DLEU7: variants seen among roughly 807,000 people sequenced by gnomAD.
The protein encoded by DLEU7 is leukemia-associated protein 7.
In DLEU7, 17 loss-of-function variants were observed where a neutral mutation model predicts 16.0. That is an observed-to-expected ratio of 1.06 (90% CI 0.73 to 1.59). The LOEUF (loss-of-function observed/expected upper bound fraction) is 1.59. Ranked by LOEUF, DLEU7 falls within the 40% of genes most tolerant of loss-of-function variation. The probability of loss-of-function intolerance (pLI) is 0.00; values close to 1 mark genes in which losing one functional copy is unlikely to be tolerated. For missense variants in DLEU7, 308 were observed against 314.9 expected (o/e 0.98, Z 0.17); for synonymous variants, 113 against 139.8 (o/e 0.81, Z 1.35).
intron 1 of DLEU7, among the ~76,000 whole-genome samples, chr13:50,790,797 A>G (rs1269363158): frequency 2.0e-5 from 3 of 152,166 alleles, no homozygotes; most frequent in African/African-American, 7.2e-5. Context: ...TTAGCCACGG[A>G]TGCTCTCTCG....
chr13:50,805,233 A>C (rs1876356476), intron 1 of DLEU7, among the ~76,000 whole-genome samples: 1 of 152,104 alleles, frequency 6.6e-6, no homozygotes, highest in Admixed American at 6.5e-5. Context: ...ATTTATTGAC[A>C]GTTTTGTTTT....
At chr13:50,736,744 A>G (rs1308566085) in intron 1 of DLEU7, among the ~76,000 whole-genome samples, 1 of 152,132 alleles carries the variant, frequency 6.6e-6, no homozygotes, top group Non-Finnish European at 1.5e-5. Flanking sequence ...GAAAATACTC[A>G]GAAAAATTGA....
chr13:50,839,321 C>G (rs1877573066), intron 1 of DLEU7, among the ~76,000 whole-genome samples: 1 of 152,202 alleles, frequency 6.6e-6, no homozygotes, highest in African/African-American at 2.4e-5. Flanking sequence ...GTCTCTGCAG[C>G]AAATTTAATA....
intron 1 of DLEU7, among the ~76,000 whole-genome samples, chr13:50,768,368 G>A (rs1875184799): frequency 6.6e-6 from 1 of 151,342 alleles, no homozygotes; most frequent in Non-Finnish European, 1.5e-5. Context: ...CATGTGCCAT[G>A]TTGGTGTGCT....
chr13:50,738,041 A>G (rs1167603856), intron 1 of DLEU7, among the ~76,000 whole-genome samples: 1 of 152,130 alleles, frequency 6.6e-6, no homozygotes, highest in African/African-American at 2.4e-5. Flanking sequence ...GGAAGTTTGA[A>G]TGGTCTGGAT....
chr13:50,732,478 C>T (rs1873938497), intron 1 of DLEU7, among the ~76,000 whole-genome samples: 1 of 151,982 alleles, frequency 6.6e-6, no homozygotes, highest in Admixed American at 6.6e-5. Flanking sequence ...GGCATGGTGG[C>T]AGGCACCTGT....
At chr13:50,809,294 C>G (rs1876491668) in intron 1 of DLEU7, among the ~76,000 whole-genome samples, 1 of 152,102 alleles carries the variant, frequency 6.6e-6, no homozygotes, top group African/African-American at 2.4e-5. Flanking sequence ...GAAAATATAG[C>G]CACTTTGGGA....
intron 1 of DLEU7, among the ~76,000 whole-genome samples, chr13:50,722,852 C>G (rs1011119045): frequency 9.2e-5 from 14 of 152,182 alleles, no homozygotes; most frequent in African/African-American, 2.7e-4. Context: ...TACCCTTTAT[C>G]TAATTTCTCC....
chr13:50,776,749 TATCTC>T (rs1249714477), intron 1 of DLEU7, among the ~76,000 whole-genome samples: 3 of 152,238 alleles, frequency 2.0e-5, no homozygotes, highest in African/African-American at 7.2e-5. Context: ...TTGATTTTCA[TATCTC>T]ATCTATAGTT....
intron 1 of DLEU7, among the ~76,000 whole-genome samples, chr13:50,811,289 C>T (rs1369641129): frequency 2.6e-5 from 4 of 151,982 alleles, no homozygotes; most frequent in African/African-American, 9.7e-5. Context: ...GAGGGAAGGC[C>T]TTTAGAAAGA....
chr13:50,772,929 A>G (rs1481388997), intron 1 of DLEU7, among the ~76,000 whole-genome samples: 1 of 151,924 alleles, frequency 6.6e-6, no homozygotes, highest in Non-Finnish European at 1.5e-5. Flanking sequence ...TGGTCTTTTC[A>G]CATAGTCCTA....
chr13:50,775,871 T>G (rs1187156348), intron 1 of DLEU7, among the ~76,000 whole-genome samples: 1 of 152,230 alleles, frequency 6.6e-6, no homozygotes, highest in East Asian at 1.9e-4. Context: ...CTGTTTTCCC[T>G]TTGTTATCTT....
In DLEU7 at chr13:50,843,070, A is replaced by T; in HGVS notation, c.459+118T>A. 2 of 1,016,334 alleles carry T rather than the reference A, an allele frequency of 2.0e-6. No homozygotes were observed. The highest frequency in any genetic ancestry group is 1.4e-6 in the Non-Finnish European group (1 of 733,148). The allele number at this position is 1,016,334 out of a possible 1,614,324, so 63.0% of individuals were successfully genotyped here. A position where few individuals can be genotyped will look rare whatever the true frequency, so the allele number is the denominator to read the frequency against. On this transcript the variant is annotated intron_variant, in intron 1 of 1. Transcript: ENST00000504404. This position sits in a 1 kb window ranked among gnomAD's most constrained non-coding sequence, Gnocchi z 5.7. Reference sequence around the variant, plus strand: ...TTCCTTCTCCCACTGGGGCTGAATCACAGTGGGCAGCAGTGTTTGGGATCC... The same window carrying T: ...TTCCTTCTCCCACTGGGGCTGAATCTCAGTGGGCAGCAGTGTTTGGGATCC...
intron 1 of DLEU7, among the ~76,000 whole-genome samples, chr13:50,800,372 T>C (rs147137575): frequency 1.3e-5 from 2 of 152,226 alleles, no homozygotes; most frequent in African/African-American, 4.8e-5. Context: ...ATTCAGAAAG[T>C]GGGAAAGCAC....
intron 1 of DLEU7, among the ~76,000 whole-genome samples, chr13:50,825,068 C>T (rs1877041537): frequency 6.6e-6 from 1 of 152,028 alleles, no homozygotes; most frequent in Admixed American, 6.6e-5. Context: ...AACTGTTCAC[C>T]TCTGATCATC....
At chr13:50,734,268 G>GT (rs1874001735) in intron 1 of DLEU7, among the ~76,000 whole-genome samples, 1 of 152,116 alleles carries the variant, frequency 6.6e-6, no homozygotes. Flanking sequence ...AAGAAAAAAC[G>GT]TATGTTTTAA....
intron 1 of DLEU7, among the ~76,000 whole-genome samples, chr13:50,829,236 A>G (rs1287646971): frequency 6.6e-6 from 1 of 152,172 alleles, no homozygotes; most frequent in African/African-American, 2.4e-5. Context: ...TGTGTGCTGA[A>G]GCATACTGCT....
chr13:50,789,264 C>T (rs949207927), intron 1 of DLEU7, among the ~76,000 whole-genome samples: 5 of 150,574 alleles, frequency 3.3e-5, no homozygotes, highest in South Asian at 2.1e-4. Flanking sequence ...CCTAAGTTCC[C>T]GAGTTCTTAT....
chr13:50,754,620 T>C (rs1364626813), intron 1 of DLEU7, among the ~76,000 whole-genome samples: 2 of 152,234 alleles, frequency 1.3e-5, no homozygotes, highest in Non-Finnish European at 1.5e-5. Context: ...TGAGTTCTTA[T>C]CTATTCTGCA....
Sources: allele counts gnomAD v4.1 joint callset (sites outside exome capture counted in the v4.1 genomes callset), GRCh38; gene constraint gnomAD v4.1.1; non-coding constraint Gnocchi (gnomAD v3.1); transcripts MANE v1.5; gene names NCBI Gene and HGNC (gene_info 2026-07-23, HGNC 2026-07-21).